The following DNAH14 variants were observed in gnomAD, a reference collection of about 807,000 sequenced individuals.
The protein encoded by DNAH14 is dynein axonemal heavy chain 14.
DNAH14 carries 478 observed loss-of-function variants against 520.9 expected under a neutral mutation model. That is an observed-to-expected ratio of 0.92 (90% CI 0.85 to 0.99). The LOEUF is 0.99. Ranked by LOEUF, DNAH14 falls within the 50% of genes least tolerant of loss-of-function variation. The pLI, the probability that DNAH14 is intolerant of heterozygous loss-of-function variation, is 0.00. For synonymous variants in DNAH14, 1,581 were observed against 1,757.2 expected (o/e 0.90, Z 2.51); for missense variants, 4,831 against 5,234.5 (o/e 0.92, Z 2.38).
chr1:225,180,449 G>A (rs1262591379), intron 36 of DNAH14, among the ~76,000 whole-genome samples: 3 of 152,176 alleles, frequency 2.0e-5, no homozygotes, highest in Non-Finnish European at 4.4e-5. Context: ...TTGGCACCTG[G>A]TGAGGGCCTC....
chr1:224,953,886 A>G (rs1410148529), intron 2 of DNAH14, among the ~76,000 whole-genome samples: 1 of 152,210 alleles, frequency 6.6e-6, no homozygotes, highest in Non-Finnish European at 1.5e-5. Flanking sequence ...ACCTTGGACT[A>G]AGGAAAGATT....
intron 34 of DNAH14, among the ~76,000 whole-genome samples, chr1:225,154,035 C>A (rs1235745177): frequency 6.6e-6 from 1 of 151,514 alleles, no homozygotes; most frequent in East Asian, 1.9e-4. Flanking sequence ...AGAGCCTATT[C>A]TTTAAAAAAA....
intron 48 of DNAH14, 136 bp downstream of exon 48, chr1:225,265,505 CAG>C: frequency 1.5e-6 from 1 of 670,736 alleles, no homozygotes; most frequent in South Asian, 3.3e-5. Context: ...CAATGTATAA[CAG>C]AAACTTTGAT....
intron 10 of DNAH14, among the ~76,000 whole-genome samples, chr1:225,021,755 A>T (rs1282958504): frequency 6.6e-6 from 1 of 152,100 alleles, no homozygotes; most frequent in Non-Finnish European, 1.5e-5. Flanking sequence ...AATTACCAAC[A>T]TCATTTTTCA....
intron 17 of DNAH14, among the ~76,000 whole-genome samples, chr1:225,054,943 C>T (rs1029477274): frequency 2.0e-5 from 3 of 152,008 alleles, no homozygotes; most frequent in Non-Finnish European, 2.9e-5. Flanking sequence ...TAGCTTATAA[C>T]ATTTAATGCA....
chr1:224,995,344 C>A (rs992306382), intron 8 of DNAH14, among the ~76,000 whole-genome samples: 2 of 150,720 alleles, frequency 1.3e-5, no homozygotes, highest in African/African-American at 4.9e-5. Flanking sequence ...GTTTTTTTTT[C>A]CCCCTTAGCA....
chr1:224,976,427 G>A (rs9426104), intron 8 of DNAH14, among the ~76,000 whole-genome samples: 14,592 of 152,108 alleles, frequency 0.096, 2,263 homozygotes, highest in African/African-American at 0.33. Context: ...ATAGGCTTGG[G>A]CAAGGACTTC....
At chr1:225,355,243 A>G (rs567337638) in intron 73 of DNAH14, among the ~76,000 whole-genome samples, 1 of 152,198 alleles carries the variant, frequency 6.6e-6, no homozygotes, top group East Asian at 1.9e-4. Context: ...CCTCACAACA[A>G]GAAAGTCTTT....
intron 11 of DNAH14, among the ~76,000 whole-genome samples, chr1:225,036,885 T>G (rs2067015529): frequency 6.6e-6 from 1 of 152,060 alleles, no homozygotes; most frequent in South Asian, 2.1e-4. Context: ...TAATACTTGC[T>G]TTTTATATCT....
intron 20 of DNAH14, among the ~76,000 whole-genome samples, chr1:225,083,673 C>T (rs1302920636): frequency 6.6e-6 from 1 of 152,128 alleles, no homozygotes; most frequent in Non-Finnish European, 1.5e-5. Context: ...TGAAATAATT[C>T]TGAATCTTCT....
chr1:225,082,678 T>C lies in DNAH14; in HGVS notation c.3266T>C (p.Ile1089Thr). 6.4e-7 allele frequency: 1 copy of C among 1,551,440 alleles called. No homozygotes were observed. The highest frequency in any genetic ancestry group is 2.4e-5 in the East Asian group (1 of 40,874). Reference sequence around the variant, plus strand: ...AGGCATTGGGAGGCTCTCCAGGAGATTATTGGGAAGTCAGTTCCGCTTGAT... The same window carrying C: ...AGGCATTGGGAGGCTCTCCAGGAGACTATTGGGAAGTCAGTTCCGCTTGAT... The part of the protein sequence containing the change: ...KPRHWEALQE[I>T]IGKSVPLDKN... Residue 1089 changes from isoleucine (I) to threonine (T), a missense_variant, in exon 20 of 86, where the codon ATT (isoleucine) becomes ACT (threonine). Ile to Thr is a moderately conservative substitution (Grantham distance 89). Transcript: ENST00000682510.
chr1:224,992,543 T>C lies in DNAH14; in HGVS notation c.831-10240T>C, dbSNP rs539929766. Among the ~76,000 whole-genome samples, 9 of 152,292 alleles carry C rather than the reference T, an allele frequency of 5.9e-5. No individual in the cohort carries two copies. The East Asian group carries it at 7.7e-4, about 13-fold the overall frequency. On this transcript the variant is annotated intron_variant, in intron 8 of 85. Coordinates refer to ENST00000682510, the MANE Select transcript of DNAH14 (RefSeq NM_001367479.1). ...GTTTATTATTAGAGTATAGAAGCAC[T>C]ACTGATTTTTATGTGTGATTTTGTG...
rs1298654174 is a variant in DNAH14 at position 225,085,586 on chromosome 1, G to A, written c.3370G>A (p.Ala1124Thr). The stretch of plus-strand genomic sequence containing the variant: ...TGAAATAAATGATATGTCAACCTCA[G>A]CAACTAATGAAGCTGCTCTTGAAAA... Reference protein sequence around the residue: ...ENEINDMSTSATNEAALEKML... With the variant: ...ENEINDMSTSTTNEAALEKML... The change falls in exon 21 of 86, where the codon GCA becomes ACA. Residue 1124 changes from alanine to threonine, a missense_variant. Ala to Thr is a moderately conservative substitution (Grantham distance 58). Transcript: ENST00000682510. The A allele has an allele frequency of 3.2e-6, 5 of 1,549,632 alleles. No homozygotes were observed. The African/African-American group carries it at 4.1e-5, about 13-fold the overall frequency.
chr1:225,281,391 A>G (rs960960579), intron 54 of DNAH14, among the ~76,000 whole-genome samples: 7 of 152,094 alleles, frequency 4.6e-5, no homozygotes, highest in African/African-American at 1.7e-4. Flanking sequence ...TCTGCTTTCA[A>G]GGACTGATGT....
chr1:225,184,807 A>G (rs893452158), intron 36 of DNAH14, among the ~76,000 whole-genome samples: 2 of 152,102 alleles, frequency 1.3e-5, no homozygotes, highest in African/African-American at 4.8e-5. Flanking sequence ...GAAAGAAGCC[A>G]TACTGAATAG....
chr1:225,058,966 T>A (rs1028210537), intron 17 of DNAH14, among the ~76,000 whole-genome samples: 3 of 152,194 alleles, frequency 2.0e-5, no homozygotes, highest in Non-Finnish European at 4.4e-5. Context: ...TGGTCAATTT[T>A]TGAATAGGTG....
At chr1:225,145,253 T>C in intron 29 of DNAH14, 73 bp from the exon 30 acceptor site, 1 of 1,194,470 alleles carries the variant, frequency 8.4e-7, no homozygotes, top group Non-Finnish European at 1.2e-6. Flanking sequence ...GACATTTTAT[T>C]ACTCTAGCAG....
At chr1:225,374,182 T>TATATATATATATATATACAC (rs1263904206) in intron 77 of DNAH14, among the ~76,000 whole-genome samples, 4 of 97,118 alleles carry the variant, frequency 4.1e-5, no homozygotes, top group African/African-American at 1.1e-4. Context: ...TATATATATA[T>TATATATATATATATATACAC]ACTATTCTAG....
intron 84 of DNAH14, 44 bp from the exon 85 acceptor site, chr1:225,398,476 T>C: frequency 6.5e-7 from 1 of 1,545,452 alleles, no homozygotes; most frequent in South Asian, 1.2e-5. Flanking sequence ...AGTTGGTCGC[T>C]GCTTCTCCTG....
Sources: allele counts gnomAD v4.1 joint callset (sites outside exome capture counted in the v4.1 genomes callset), GRCh38; gene constraint gnomAD v4.1.1; transcripts MANE v1.5; gene names NCBI Gene and HGNC (gene_info 2026-07-23, HGNC 2026-07-21).